PPT1: variants seen among roughly 807,000 people sequenced by gnomAD.
PPT1 encodes the protein ceroid-palmitoyl-palmitoyl-protein thioesterase 1.
PPT1 carries 24 observed loss-of-function variants against 44.0 expected under a neutral mutation model. That is an observed-to-expected ratio of 0.54 (90% confidence interval 0.39 to 0.77). The LOEUF is 0.77. PPT1 is among the 30% of genes least tolerant of loss of function. The pLI, the probability that PPT1 is intolerant of heterozygous loss-of-function variation, is 0.00. For missense variants in PPT1, 341 were observed against 378.8 expected, an observed-to-expected ratio of 0.90 and a Z score of 0.83; for synonymous variants, 148 against 140.2, an observed-to-expected ratio of 1.06 and a Z score of -0.39.
In PPT1 at chr1:40,087,661, G is replaced by A. The variant is rs7513553; in HGVS notation, c.536+1749C>T. Among the ~76,000 whole-genome samples the A allele has an allele frequency of 5.9e-4, 89 of 151,926 alleles. 1 individual carries two copies. Among genetic ancestry groups the A allele is most frequent in the South Asian group, 4.0e-3 (19 of 4,810 alleles). The stretch of plus-strand genomic sequence containing the variant: ...CACACAAAGAAAGAAAAGTATAGGC[G>A]TTTTGGAGGCAACTGGGCAAGAGTG... On this transcript the variant is annotated intron_variant, in intron 5 of 8. Coordinates refer to ENST00000642050, the MANE Select transcript of PPT1 (RefSeq NM_000310.4).
Position 40,080,503 on chromosome 1 carries a change from A to G in PPT1, c.537-16T>C. The G allele has an allele frequency of 6.2e-7, 1 of 1,610,314 alleles. No individual in the cohort carries two copies. Among genetic ancestry groups the G allele is most frequent in the South Asian group, 1.1e-5 (1 of 91,010 alleles). On this transcript the variant is annotated splice_polypyrimidine_tract_variant and intron_variant, in intron 5 of 8. Coordinates refer to ENST00000642050, the MANE Select transcript of PPT1 (RefSeq NM_000310.4). ...TTGCACGAGGCTGTAGGAAAAAAAA[A>G]GAATGAGGTGATCAAGCTACAGGTC...
intron 1 of PPT1, chr1:40,094,018 C>T (rs756018475): frequency 3.1e-5 from 22 of 699,822 alleles, no homozygotes; most frequent in Middle Eastern, 4.7e-4. Context: ...CATAACGAGA[C>T]CCTGTCTCAA....
intron 8 of PPT1, among the ~76,000 whole-genome samples, chr1:40,074,838 T>A (rs1478188685): frequency 6.6e-6 from 1 of 152,146 alleles, no homozygotes; most frequent in Non-Finnish European, 1.5e-5. Flanking sequence ...GATTCTGATT[T>A]TTGAAAAGCT....
At chr1:40,089,057 T>C (rs1649410960) in intron 5 of PPT1, among the ~76,000 whole-genome samples, 1 of 151,904 alleles carries the variant, frequency 6.6e-6, no homozygotes, top group Admixed American at 6.6e-5. Flanking sequence ...GAGGCCAAGG[T>C]GGGTGGGTCA....
intron 8 of PPT1, among the ~76,000 whole-genome samples, chr1:40,074,714 G>A (rs1648521611): frequency 6.6e-6 from 1 of 151,890 alleles, no homozygotes; most frequent in Non-Finnish European, 1.5e-5. Flanking sequence ...GGTGATCCAC[G>A]TGCCTCGGCC....
chr1:40,083,891 T>G (rs3131654), intron 5 of PPT1, among the ~76,000 whole-genome samples: 84,223 of 151,768 alleles, frequency 0.55, 25,372 homozygotes, highest in Non-Finnish European at 0.68. Context: ...TACAAAAAAA[T>G]TAAAAAATTA....
chr1:40,088,637 G>T (rs1226266390), intron 5 of PPT1, among the ~76,000 whole-genome samples: 1 of 152,012 alleles, frequency 6.6e-6, no homozygotes, highest in South Asian at 2.1e-4. Context: ...GTGAACTTCT[G>T]GCTTCAAGCA....
At chr1:40,092,255 G>A in intron 2 of PPT1, 83 bp from the exon 3 acceptor site, 2 of 1,590,126 alleles carry the variant, frequency 1.3e-6, no homozygotes, top group Non-Finnish European at 8.6e-7. Context: ...ACTCATTTAG[G>A]TTGGTATCCT....
At chr1:40,077,050 G>T in intron 7 of PPT1, 137 bp from the exon 8 acceptor site, 1 of 1,049,224 alleles carries the variant, frequency 9.5e-7, no homozygotes, top group Non-Finnish European at 1.4e-6. Flanking sequence ...AAAATGGATA[G>T]GGTGCGTCTG....
chr1:40,083,417 T>C (rs1418975157), intron 5 of PPT1, among the ~76,000 whole-genome samples: 2 of 152,292 alleles, frequency 1.3e-5, no homozygotes, highest in African/African-American at 2.4e-5. Flanking sequence ...ATCACACCAC[T>C]GCACTCTAGT....
At chr1:40,079,392 C>CTTTTTTTTTTTT (rs11464192) in intron 6 of PPT1, among the ~76,000 whole-genome samples, 12 of 90,112 alleles carry the variant, frequency 1.3e-4, no homozygotes, top group Admixed American at 3.2e-4. Flanking sequence ...TTTTCTTTTC[C>CTTTTTTTTTTTT]TTTTTTTTTT....
At chr1:40,083,432 G>A (rs751007081) in intron 5 of PPT1, among the ~76,000 whole-genome samples, 7 of 152,126 alleles carry the variant, frequency 4.6e-5, no homozygotes, top group Non-Finnish European at 1.0e-4. Flanking sequence ...TCTAGTCTGG[G>A]CAAGAGAGCA....
Position 40,091,329 on chromosome 1 carries a change from C to G in PPT1, c.433G>C (p.Gly145Arg), listed in dbSNP as rs369186379. 2 of 1,613,404 alleles carry G rather than the reference C, an allele frequency of 1.2e-6. No individual in the cohort carries two copies. Among genetic ancestry groups the G allele is most frequent in the African/African-American group, 2.7e-5 (2 of 74,844 alleles). The change falls in exon 4 of 9, where the codon GGT becomes CGT. Residue 145 changes from glycine (G) to arginine (R), a missense_variant and splice_region_variant. Transcript: ENST00000642050. Reference protein sequence around the residue: ...NLISVGGQHQGVFGLPRCPGE... With the variant: ...NLISVGGQHQRVFGLPRCPGE... ...AAAGAAAGCAAAGAGGCAAAGTTAC[C>G]TTGATGTTGTCCCCCAACCGAGATC...
intron 5 of PPT1, among the ~76,000 whole-genome samples, chr1:40,081,436 A>T (rs1333294041): frequency 6.6e-6 from 1 of 152,010 alleles, no homozygotes; most frequent in African/African-American, 2.4e-5. Flanking sequence ...CTTGGGAGGC[A>T]GAGGGAGGGA....
At position 40,073,024 on chromosome 1, in the gene PPT1, A is replaced by G. The variant is rs529476151; in HGVS notation, c.*1037T>C. On this transcript the variant is annotated 3_prime_UTR_variant, in exon 9 of 9. Coordinates refer to ENST00000642050, the MANE Select transcript of PPT1 (RefSeq NM_000310.4). ...CGTTAGTTTTGTTTACTGTAACAGG[A>G]ATTCTCAGGAGTCCTTAGACACTCT... 1 of 152,346 alleles carries G rather than the reference A, an allele frequency of 6.6e-6. No individual in the cohort carries two copies. The highest frequency in any genetic ancestry group is 1.9e-4 in the East Asian group (1 of 5,188). 9.4% of individuals were successfully genotyped at this position (152,346 alleles called of 1,614,324 possible). A position where few individuals can be genotyped will look rare whatever the true frequency, so the allele number is the denominator to read the frequency against.
intron 6 of PPT1, 103 bp downstream of exon 6, chr1:40,080,294 T>C (rs1189489536): frequency 2.5e-6 from 3 of 1,217,758 alleles, no homozygotes; most frequent in Non-Finnish European, 2.4e-6. Flanking sequence ...TTTCCTAGTG[T>C]CTGCCCAGGA....
downstream of PPT1, chr1:40,071,740 G>A (rs933659398): frequency 4.3e-5 from 24 of 561,206 alleles, 1 homozygote; most frequent in African/African-American, 2.4e-4. Flanking sequence ...GCAGGAAGGT[G>A]CAGCTTTTCC....
At chr1:40,079,392 CTTT>C (rs11464192) in intron 6 of PPT1, among the ~76,000 whole-genome samples, 3 of 90,114 alleles carry the variant, frequency 3.3e-5, no homozygotes, top group East Asian at 3.5e-4. Context: ...TTTTCTTTTC[CTTT>C]TTTTTTTTTT....
At chr1:40,090,491 TA>T (rs1356780415) in intron 4 of PPT1, among the ~76,000 whole-genome samples, 1 of 150,496 alleles carries the variant, frequency 6.6e-6, no homozygotes, top group Non-Finnish European at 1.5e-5. Flanking sequence ...TGTGTGTGTG[TA>T]TATATATATA....
Sources: allele counts gnomAD v4.1 joint callset (sites outside exome capture counted in the v4.1 genomes callset), GRCh38; gene constraint gnomAD v4.1.1; transcripts MANE v1.5; gene names NCBI Gene and HGNC (gene_info 2026-07-23, HGNC 2026-07-21).